Variants in NOSTRIN observed in about 807,000 individuals in gnomAD.
NOSTRIN encodes BM247 homolog.
In NOSTRIN, 63 loss-of-function variants were observed where a neutral mutation model predicts 59.0. The ratio of observed to expected loss-of-function variants is 1.07; its 90% CI spans 0.87 to 1.32. The LOEUF (loss-of-function observed/expected upper bound fraction) is 1.32, where lower values mean the gene tolerates loss of function less well. Among genes scored for constraint, NOSTRIN ranks in the 40% most tolerant of loss-of-function variants. The probability of loss-of-function intolerance (pLI) is 0.00; values close to 1 mark genes in which losing one functional copy is unlikely to be tolerated. For synonymous variants in NOSTRIN, 200 were observed against 165.4 expected (o/e 1.21, Z -1.61); for missense variants, 512 against 473.1 (o/e 1.08, Z -0.76).
rs1291502413 is a variant in NOSTRIN, at chr2:168,862,199, G to A, written c.1384+150G>A. 7 of 666,380 alleles carry A rather than the reference G, an allele frequency of 1.1e-5. No homozygotes were observed. The Admixed American group carries it at 1.6e-4, about 16-fold the overall frequency. The allele number at this position is 666,380 out of a possible 1,614,324, so 41.3% of individuals were successfully genotyped here. ...AAAGATAAGCACATCTAAAACAAAA[G>A]CTCGCATAATGATAATAGCTAACGC... On this transcript the variant is annotated intron_variant, in intron 15 of 15. Transcript: ENST00000317647.
chr2:168,834,984 T>A (rs903100903), intron 7 of NOSTRIN, among the ~76,000 whole-genome samples: 1 of 152,204 alleles, frequency 6.6e-6, no homozygotes, highest in African/African-American at 2.4e-5. Flanking sequence ...AGATAATCAT[T>A]AAGTAATGTT....
At chr2:168,800,539 G>C (rs1685584280), upstream of NOSTRIN, among the ~76,000 whole-genome samples, 1 of 152,142 alleles carries the variant, frequency 6.6e-6, no homozygotes, top group African/African-American at 2.4e-5. Flanking sequence ...CAGATGTCCA[G>C]GAGGTCTGAG....
rs1010544197 is a variant in NOSTRIN at position 168,851,344 on chromosome 2, G to A, written c.795G>A (p.Met265Ile). The A allele has an allele frequency of 6.2e-7, 1 of 1,613,594 alleles. No individual in the cohort carries two copies. The highest frequency in any genetic ancestry group is 1.3e-5 in the African/African-American group (1 of 74,872). ...TTGAAAAAGATATCCAGGCTGTAAT[G>A]GAAGAAACTGCAATTTTATCTACAG... ...IDIEKDIQAV[M>I]EETAILSTEN... Residue 265 changes from methionine to isoleucine, a missense_variant, in exon 10 of 16, where the codon ATG becomes ATA. Met to Ile is a conservative substitution (Grantham distance 10). Transcript: ENST00000317647.
chr2:168,801,107 A>T (rs991585678), upstream of NOSTRIN: 1 of 151,850 alleles, frequency 6.6e-6, no homozygotes, highest in African/African-American at 2.4e-5. Context: ...GCTACCCAAG[A>T]TTGTTGTAAC....
chr2:168,788,892 AAGATAGATAGATAGATAGAT>A (rs4000833), intron 2 of NOSTRIN, among the ~76,000 whole-genome samples: 4 of 148,284 alleles, frequency 2.7e-5, no homozygotes, highest in African/African-American at 5.0e-5. Flanking sequence ...CACAGATAAA[AAGATAGATAGATAGATAGAT>A]AGATAGATAG....
upstream of NOSTRIN, among the ~76,000 whole-genome samples, chr2:168,796,202 C>T (rs1460634295): frequency 6.6e-6 from 1 of 152,238 alleles, no homozygotes; most frequent in Non-Finnish European, 1.5e-5. Context: ...AACGCTGCTG[C>T]TCCTGTCAGC....
chr2:168,835,542 A>T (rs1049394381), intron 7 of NOSTRIN, among the ~76,000 whole-genome samples: 2 of 152,210 alleles, frequency 1.3e-5, no homozygotes, highest in Non-Finnish European at 2.9e-5. Context: ...TGGTAGTAAC[A>T]TCAATCCACA....
intron 2 of NOSTRIN, chr2:168,788,119 A>G (rs927008410): frequency 6.6e-5 from 10 of 152,134 alleles, no homozygotes; most frequent in African/African-American, 2.2e-4. Flanking sequence ...TTATACCTGT[A>G]ATTCAAGCAC....
chr2:168,807,896 A>G (rs1180146259), intron 1 of NOSTRIN, among the ~76,000 whole-genome samples: 1 of 152,258 alleles, frequency 6.6e-6, no homozygotes, highest in Non-Finnish European at 1.5e-5. Context: ...TAGACCTGGT[A>G]GCCCATGGGT....
chr2:168,803,261 C>T (rs753185153), intron 1 of NOSTRIN, among the ~76,000 whole-genome samples: 9 of 152,040 alleles, frequency 5.9e-5, no homozygotes, highest in Non-Finnish European at 1.3e-4. Flanking sequence ...GGTCAGAAGT[C>T]CAAAGACATT....
chr2:168,802,511 T>C, upstream of NOSTRIN: 1 of 705,998 alleles, frequency 1.4e-6, no homozygotes. Context: ...TGGGACTTCC[T>C]CCTTGGAATG....
chr2:168,807,261 C>CACAT (rs756769024), intron 1 of NOSTRIN, among the ~76,000 whole-genome samples: 1 of 152,030 alleles, frequency 6.6e-6, no homozygotes, highest in Non-Finnish European at 1.5e-5. Flanking sequence ...CACACACACA[C>CACAT]ACATACATAC....
chr2:168,823,245 T>C (rs2105605034), intron 2 of NOSTRIN, among the ~76,000 whole-genome samples: 1 of 152,220 alleles, frequency 6.6e-6, no homozygotes, highest in South Asian at 2.1e-4. Context: ...CTCGATCTCC[T>C]GACCTTGTGA....
At chr2:168,791,903 G>GTTCTT (rs1685363947) in intron 2 of NOSTRIN, among the ~76,000 whole-genome samples, 1 of 152,130 alleles carries the variant, frequency 6.6e-6, no homozygotes, top group Non-Finnish European at 1.5e-5. Context: ...AGATGAGTAG[G>GTTCTT]TGGCAAAAAT....
At chr2:168,840,567 G>C (rs920976547) in intron 7 of NOSTRIN, among the ~76,000 whole-genome samples, 2 of 148,882 alleles carry the variant, frequency 1.3e-5, no homozygotes, top group African/African-American at 4.9e-5. Flanking sequence ...AAACAGATAT[G>C]TCCTGTGTAG....
At chr2:168,861,866 ACT>A (rs1689471717) in intron 14 of NOSTRIN, 92 bp from the exon 15 acceptor site, 1 of 1,108,776 alleles carries the variant, frequency 9.0e-7, no homozygotes, top group South Asian at 1.4e-5. Flanking sequence ...ATATATTGAA[ACT>A]CTGCATCACA....
intron 8 of NOSTRIN, among the ~76,000 whole-genome samples, chr2:168,850,076 C>A (rs1297551667): frequency 6.6e-6 from 1 of 151,918 alleles, no homozygotes; most frequent in Non-Finnish European, 1.5e-5. Context: ...CCATGCCTGG[C>A]TAATTTTTGT....
chr2:168,857,038 G>A (rs931113878), intron 12 of NOSTRIN, among the ~76,000 whole-genome samples: 3 of 152,106 alleles, frequency 2.0e-5, no homozygotes, highest in South Asian at 4.2e-4. Flanking sequence ...CGTTCTTTAA[G>A]GGCCTAGAAA....
intron 15 of NOSTRIN, chr2:168,863,784 T>A (rs1689647597): frequency 2.7e-6 from 1 of 376,572 alleles, no homozygotes; most frequent in Non-Finnish European, 3.7e-6. Context: ...CGCCAAACAA[T>A]CAAAAACACC....
Sources: allele counts gnomAD v4.1 joint callset (sites outside exome capture counted in the v4.1 genomes callset), GRCh38; gene constraint gnomAD v4.1.1; transcripts MANE v1.5; gene names NCBI Gene and HGNC (gene_info 2026-07-23, HGNC 2026-07-21).